The following ESYT3 variants were observed in gnomAD, a reference collection of about 807,000 sequenced individuals.
ESYT3 encodes extended synaptotagmin 3.
A neutral mutation model predicts 111.5 loss-of-function variants in ESYT3; 101 were observed. The ratio of observed to expected loss-of-function variants is 0.91; its 90% CI spans 0.77 to 1.07. ESYT3 has a LOEUF of 1.07. Ranked by LOEUF, ESYT3 falls within the 50% of genes least tolerant of loss-of-function variation. The probability of loss-of-function intolerance (pLI) is 0.00; values close to 1 mark genes in which losing one functional copy is unlikely to be tolerated. For missense variants in ESYT3, 1,097 were observed against 1,109.4 expected (o/e 0.99, Z 0.16); for synonymous variants, 416 against 446.8 (o/e 0.93, Z 0.87).
chr3:138,453,198 T>A (rs867597190), intron 2 of ESYT3, among the ~76,000 whole-genome samples: 5 of 152,206 alleles, frequency 3.3e-5, no homozygotes, highest in Admixed American at 1.3e-4. Flanking sequence ...CTTGTAGAGT[T>A]CCTCCTGCAC....
chr3:138,469,199 G>A, intron 14 of ESYT3: 1 of 594,714 alleles, frequency 1.7e-6, no homozygotes, highest in South Asian at 2.0e-5. Context: ...GCCTGGCCAG[G>A]CCCAGCTCTG....
chr3:138,444,249 A>T (rs867916760), intron 1 of ESYT3, among the ~76,000 whole-genome samples: 70 of 152,146 alleles, frequency 4.6e-4, no homozygotes, highest in Non-Finnish European at 1.6e-4. Context: ...ATCAAGAGGT[A>T]TGTTAGTTTA....
At chr3:138,458,506 A>C (rs1576445864) in intron 4 of ESYT3, among the ~76,000 whole-genome samples, 2 of 152,176 alleles carry the variant, frequency 1.3e-5, no homozygotes, top group Non-Finnish European at 2.9e-5. Context: ...GGTTTTTGCG[A>C]TTTGTGACAT....
intron 15 of ESYT3, among the ~76,000 whole-genome samples, 195 bp from the exon 16 acceptor site, chr3:138,469,865 G>T (rs1206888332): frequency 6.6e-6 from 1 of 152,088 alleles, no homozygotes; most frequent in African/African-American, 2.4e-5. Flanking sequence ...AAAAATTCCT[G>T]GCAAACCACT....
In ESYT3 at chr3:138,460,592, C is replaced by T. The variant is rs780698985; in HGVS notation, c.739-19C>T. 3.1e-6 allele frequency: 5 copies of T among 1,613,934 alleles called. No homozygotes were observed. Among genetic ancestry groups the T allele is most frequent in the East Asian group, 2.2e-5 (1 of 44,870 alleles). ...CTCCCAACCCTTTCCAGCCTAATAG[C>T]TTCCCTCTGCCCCTGAAGCACCTAC... On this transcript the variant is annotated intron_variant, in intron 6 of 22. Coordinates refer to ENST00000389567, the MANE Select transcript of ESYT3 (RefSeq NM_031913.5).
chr3:138,476,134 GT>G, intron 20 of ESYT3, 88 bp from the exon 21 acceptor site: 1 of 851,410 alleles, frequency 1.2e-6, no homozygotes. Context: ...GTACCTTTCT[GT>G]TTTAGTAGGG....
At chr3:138,463,909 G>A (rs370100073) in intron 8 of ESYT3, among the ~76,000 whole-genome samples, 1 of 152,188 alleles carries the variant, frequency 6.6e-6, no homozygotes, top group African/African-American at 2.4e-5. Flanking sequence ...AGGAGTGCAG[G>A]TACCTACTGT....
At chr3:138,451,637 C>T (rs1477497586) in intron 1 of ESYT3, among the ~76,000 whole-genome samples, 2 of 152,204 alleles carry the variant, frequency 1.3e-5, no homozygotes, top group African/African-American at 2.4e-5. Flanking sequence ...CCCTCCCTTT[C>T]CTCCTCGCCT....
chr3:138,472,328 C>T (rs747407578), intron 17 of ESYT3, 35 bp from the exon 18 acceptor site: 1 of 1,594,700 alleles, frequency 6.3e-7, no homozygotes, highest in Non-Finnish European at 8.5e-7. Flanking sequence ...GAAGTGGTGA[C>T]TCAGCTCATA....
intron 1 of ESYT3, among the ~76,000 whole-genome samples, chr3:138,439,464 G>A (rs1030037297): frequency 1.3e-5 from 2 of 152,176 alleles, no homozygotes; most frequent in African/African-American, 4.8e-5. Flanking sequence ...CCCATCCTTC[G>A]TGCTCTGGGC....
rs2030644688 is a variant in ESYT3 at position 138,435,931 on chromosome 3, G to A, written c.327+806G>A. On this transcript the variant is annotated intron_variant, in intron 1 of 22. Transcript: ENST00000389567. This position sits in a 1 kb window ranked among gnomAD's most constrained non-coding sequence, Gnocchi z 4.8. ...GTGTTCCGTCCAATGGTTGGTCTGC[G>A]GCAAACCCTTACTGTCTCTCCGGTG... is the stretch of plus-strand genomic sequence containing the variant. Among the ~76,000 whole-genome samples, 3 of 152,120 alleles carry A rather than the reference G, an allele frequency of 2.0e-5. No individual in the cohort carries two copies. The highest frequency in any genetic ancestry group is 2.1e-4 in the South Asian group (1 of 4,816).
In ESYT3 at chr3:138,461,918, C is replaced by T. The variant is rs190403457; in HGVS notation, c.795-168C>T. ...TGAGATAGAATGTCAGGGGCTGTCA[C>T]GATGTATAGGCACACCCACCCCTAC... On this transcript the variant is annotated intron_variant, in intron 7 of 22. Coordinates refer to ENST00000389567, the MANE Select transcript of ESYT3 (RefSeq NM_031913.5). Among the ~76,000 whole-genome samples, 456 of 152,094 alleles carry T rather than the reference C, an allele frequency of 3.0e-3. 4 individuals carry two copies. The highest frequency in any genetic ancestry group is 0.011 in the African/African-American group (440 of 41,490).
In ESYT3 at chr3:138,471,032, T is replaced by C; in HGVS notation, c.1740+6T>C. Reference sequence around the variant, plus strand: ...CCATGAGGCTGGTGCTTCGGGTAAATCTCTCCGGTCCCCTGGGGGAGGGGA... The same window carrying C: ...CCATGAGGCTGGTGCTTCGGGTAAACCTCTCCGGTCCCCTGGGGGAGGGGA... On this transcript the variant is annotated splice_donor_region_variant and intron_variant, in intron 17 of 22. Coordinates refer to ENST00000389567, the MANE Select transcript of ESYT3 (RefSeq NM_031913.5). The C allele has an allele frequency of 1.2e-6, 2 of 1,611,848 alleles. No homozygotes were observed. Among genetic ancestry groups the C allele is most frequent in the Non-Finnish European group, 8.5e-7 (1 of 1,178,488 alleles).
chr3:138,472,970 A>G (rs1376128958), intron 18 of ESYT3, 111 bp downstream of exon 18: 5 of 1,516,186 alleles, frequency 3.3e-6, no homozygotes, highest in Non-Finnish European at 4.4e-6. Context: ...TTTTTCACAA[A>G]ATATCTTCCT....
rs554199062 is a variant in ESYT3 at position 138,477,894 on chromosome 3, A to G, written c.*1040A>G. On this transcript the variant is annotated 3_prime_UTR_variant, in exon 23 of 23. Transcript: ENST00000389567. ...TGTCTCTGCCTCTGCCTTCACTGCC[A>G]CTTTTCTGAAGCAGGGCAACATTCG... 1 of 152,290 alleles carries G rather than the reference A, an allele frequency of 6.6e-6. No individual in the cohort carries two copies. Among genetic ancestry groups the G allele is most frequent in the Admixed American group, 6.5e-5 (1 of 15,298 alleles). 9.4% of individuals were successfully genotyped at this position (152,290 alleles called of 1,614,324 possible). A position where few individuals can be genotyped will look rare whatever the true frequency, so the allele number is the denominator to read the frequency against.
intron 2 of ESYT3, 113 bp downstream of exon 2, chr3:138,452,202 C>A: frequency 1.1e-6 from 1 of 937,156 alleles, no homozygotes; most frequent in Non-Finnish European, 1.6e-6. Flanking sequence ...TTGCCTGACG[C>A]GGGCAGGGAT....
At chr3:138,457,507 G>A in intron 3 of ESYT3, 61 bp from the exon 4 acceptor site, 8 of 1,489,740 alleles carry the variant, frequency 5.4e-6, no homozygotes, top group Non-Finnish European at 7.5e-6. Context: ...CGGGGGGAGA[G>A]CTGGCAGCTG....
intron 3 of ESYT3, 51 bp downstream of exon 3, chr3:138,455,379 C>T: frequency 6.2e-7 from 1 of 1,600,438 alleles, no homozygotes; most frequent in South Asian, 1.1e-5. Flanking sequence ...AGTCTTCTCT[C>T]TGTTCCCTCT....
chr3:138,457,052 TCCTCACACGAC>T (rs2032319273), intron 3 of ESYT3, among the ~76,000 whole-genome samples: 1 of 152,134 alleles, frequency 6.6e-6, no homozygotes, highest in African/African-American at 2.4e-5. Flanking sequence ...CACAGAGGAC[TCCTCACACGAC>T]CCTCCTGGGC....
Sources: gnomAD v4.1 joint callset for allele counts (sites outside exome capture counted in the v4.1 genomes callset) on GRCh38, gnomAD v4.1.1 for gene constraint, Gnocchi (gnomAD v3.1) non-coding constraint, MANE v1.5 for transcripts, NCBI Gene and HGNC (gene_info 2026-07-23, HGNC 2026-07-21) for gene names.